NMD3: variants seen among roughly 807,000 people sequenced by gnomAD.
NMD3 encodes NMD3 ribosome export adaptor.
In NMD3, 47 loss-of-function variants were observed where a neutral mutation model predicts 73.1. The ratio of observed to expected loss-of-function variants is 0.64; its 90% confidence interval spans 0.51 to 0.82. The LOEUF is 0.82. Among genes scored for constraint, NMD3 ranks in the 40% least tolerant of loss-of-function variants. The probability of loss-of-function intolerance (pLI) is 0.00; values close to 1 mark genes in which losing one functional copy is unlikely to be tolerated. For missense variants in NMD3, 554 were observed against 612.5 expected (o/e 0.90, Z 1.01); for synonymous variants, 210 against 194.5 (o/e 1.08, Z -0.66).
At chr3:161,230,956 A>T (rs552519644) in intron 4 of NMD3, among the ~76,000 whole-genome samples, 10 of 152,270 alleles carry the variant, frequency 6.6e-5, no homozygotes, top group African/African-American at 2.4e-4. Flanking sequence ...ACAGTGTTGG[A>T]TGGGTGCTGG....
At chr3:161,231,585 T>TG (rs1736547210) in intron 4 of NMD3, among the ~76,000 whole-genome samples, 1 of 152,068 alleles carries the variant, frequency 6.6e-6, no homozygotes, top group South Asian at 2.1e-4. Flanking sequence ...AAAAGAGAGT[T>TG]GCGGGTGGTA....
intron 3 of NMD3, among the ~76,000 whole-genome samples, chr3:161,225,562 G>C (rs1006055119): frequency 2.0e-5 from 3 of 152,170 alleles, no homozygotes; most frequent in Admixed American, 1.3e-4. Context: ...ATAAAGATTG[G>C]ATTTGAAGGA....
At chr3:161,250,466 A>G (rs1320632064) in intron 15 of NMD3, 140 bp downstream of exon 15, 3 of 587,492 alleles carry the variant, frequency 5.1e-6, no homozygotes, top group Non-Finnish European at 8.9e-6. Flanking sequence ...ACTTCTACAA[A>G]AAAACTTGCA....
intron 7 of NMD3, among the ~76,000 whole-genome samples, chr3:161,237,649 C>T (rs1246345420): frequency 6.6e-6 from 1 of 151,092 alleles, no homozygotes; most frequent in Non-Finnish European, 1.5e-5. Flanking sequence ...AAGCGATTCT[C>T]CTGCCTCAGC....
chr3:161,243,518 A>G (rs1347224927), intron 11 of NMD3, among the ~76,000 whole-genome samples: 1 of 152,160 alleles, frequency 6.6e-6, no homozygotes, highest in Admixed American at 6.5e-5. Context: ...TGGGAATATT[A>G]TACCTTTTTA....
At chr3:161,231,144 G>A (rs1351484732) in intron 4 of NMD3, among the ~76,000 whole-genome samples, 2 of 152,206 alleles carry the variant, frequency 1.3e-5, no homozygotes, top group African/African-American at 2.4e-5. Flanking sequence ...GAAATTGAGT[G>A]TGTACATGAG....
At position 161,222,070 on chromosome 3, in the gene NMD3, C is replaced by G. The variant is rs764374026; in HGVS notation, c.44+13C>G. On this transcript the variant is annotated intron_variant, in intron 2 of 15. Transcript: ENST00000351193. ...GCCCTGGACACATGTGAGTGCGACACTTCTTCCTTCCCCCTTAAATGTGAA... is the reference window on the plus strand; with the variant it reads ...GCCCTGGACACATGTGAGTGCGACAGTTCTTCCTTCCCCCTTAAATGTGAA... 4 of 1,574,336 alleles carry G rather than the reference C, an allele frequency of 2.5e-6. No individual in the cohort carries two copies. The African/African-American group carries it at 4.1e-5, about 16-fold the overall frequency.
At chr3:161,225,168 G>A (rs1736267757) in intron 3 of NMD3, 104 bp downstream of exon 3, 3 of 1,221,182 alleles carry the variant, frequency 2.5e-6, no homozygotes, top group Non-Finnish European at 3.4e-6. Context: ...TAAAGTGCAT[G>A]CAATTAAGGT....
chr3:161,245,466 T>G (rs1039806654), intron 11 of NMD3, among the ~76,000 whole-genome samples: 3 of 152,014 alleles, frequency 2.0e-5, no homozygotes, highest in Non-Finnish European at 4.4e-5. Context: ...GTTAATTGAC[T>G]TTTCTTTTGC....
At chr3:161,247,671 C>G (rs1193391117) in intron 13 of NMD3, among the ~76,000 whole-genome samples, 1 of 151,666 alleles carries the variant, frequency 6.6e-6, no homozygotes, top group Admixed American at 6.6e-5. Flanking sequence ...AGCTTGTAAT[C>G]CCAGCTACTT....
In NMD3 at chr3:161,242,576, G is replaced by C; in HGVS notation, c.940G>C (p.Glu314Gln). Residue 314 changes from glutamate to glutamine, a missense_variant, in exon 11 of 16, where the codon GAG becomes CAG. Physicochemically the swap from Glu to Gln is conservative, Grantham distance 29. Coordinates refer to ENST00000351193, the MANE Select transcript of NMD3 (RefSeq NM_015938.5). ...TAGTTTATGTCATCCCAAACAGCTA[G>C]AGGAGTTTATTGTGATGGAATGCAG... ...FNSLCHPKQL[E>Q]EFIVMECSIV... 6.2e-7 allele frequency: 1 copy of C among 1,613,622 alleles called. No individual in the cohort carries two copies. The highest frequency in any genetic ancestry group is 1.3e-5 in the African/African-American group (1 of 75,024).
chr3:161,232,804 G>T (rs568867803), intron 4 of NMD3, among the ~76,000 whole-genome samples: 1 of 152,128 alleles, frequency 6.6e-6, no homozygotes, highest in Admixed American at 6.6e-5. Context: ...CTCCATTCTT[G>T]TTCTCCCACC....
rs1401336257 is a variant in NMD3, at chr3:161,233,443, T to G, written c.321T>G (p.Ser107=). The change falls in exon 5 of 16, where the codon TCT becomes TCG. Residue 107 remains serine, a synonymous_variant. Transcript: ENST00000351193. The stretch of plus-strand genomic sequence containing the variant: ...GCTTTGTTTGGACTGAGCCTCATTC[T>G]AAGAGACTTAAAGTTAAACTGACTA... ...DAGFVWTEPH[S]KRLKVKLTIQ... 9 of 1,609,724 alleles carry G rather than the reference T, an allele frequency of 5.6e-6. No individual in the cohort carries two copies. The highest frequency in any genetic ancestry group is 7.6e-6 in the Non-Finnish European group (9 of 1,177,540).
chr3:161,222,965 C>T (rs1736170449), intron 2 of NMD3: 2 of 152,240 alleles, frequency 1.3e-5, no homozygotes, highest in Admixed American at 6.5e-5. Context: ...GTCTTTGGAG[C>T]TCAGCATAGT....
At chr3:161,246,518 C>T in intron 12 of NMD3, 70 bp downstream of exon 12, 1 of 581,518 alleles carries the variant, frequency 1.7e-6, no homozygotes, top group African/African-American at 1.8e-5. Context: ...AGCAAAACTA[C>T]CTAAAAATAC....
At chr3:161,227,098 C>T in intron 3 of NMD3, 149 bp from the exon 4 acceptor site, 9 of 476,858 alleles carry the variant, frequency 1.9e-5, no homozygotes, top group Middle Eastern at 5.9e-4. Context: ...GTTTTGGAAC[C>T]ATTAAAATAT....
intron 9 of NMD3, 68 bp downstream of exon 9, chr3:161,238,894 T>C: frequency 1.3e-6 from 1 of 746,342 alleles, no homozygotes; most frequent in Non-Finnish European, 2.2e-6. Context: ...TTATATGTAA[T>C]TTGTAGCTCC....
chr3:161,240,992 A>T, intron 9 of NMD3, 54 bp from the exon 10 acceptor site: 1 of 1,101,042 alleles, frequency 9.1e-7, no homozygotes, highest in East Asian at 2.4e-5. Context: ...ATGAGTGTTT[A>T]TTGGACTGTT....
intron 2 of NMD3, 150 bp from the exon 3 acceptor site, chr3:161,224,780 T>G: frequency 1.5e-6 from 1 of 683,700 alleles, no homozygotes; most frequent in South Asian, 2.2e-5. Context: ...AGCCACTGGC[T>G]GGCCCAGGTT....
Sources: allele counts gnomAD v4.1 joint callset (sites outside exome capture counted in the v4.1 genomes callset), GRCh38; gene constraint gnomAD v4.1.1; transcripts MANE v1.5; gene names NCBI Gene and HGNC (gene_info 2026-07-23, HGNC 2026-07-21).